The following CFAP54 variants were observed in gnomAD, a reference collection of about 807,000 sequenced individuals.
CFAP54 encodes cilia and flagella associated protein 54, also known as cilia- and flagella-associated protein 54.
CFAP54 carries 290 observed loss-of-function variants against 370.4 expected under a neutral mutation model. That is an observed-to-expected ratio of 0.78 (90% confidence interval 0.71 to 0.86). The LOEUF (loss-of-function observed/expected upper bound fraction) is 0.86. Ranked by LOEUF, CFAP54 falls within the 40% of genes least tolerant of loss-of-function variation. CFAP54 has a pLI of 0.00. For missense variants in CFAP54, 3,399 were observed against 3,528.7 expected (o/e 0.96, Z 0.93); for synonymous variants, 1,206 against 1,236.5 (o/e 0.98, Z 0.52).
At chr12:96,813,988 C>G (rs959671421) in intron 64 of CFAP54, among the ~76,000 whole-genome samples, 19 of 152,130 alleles carry the variant, frequency 1.2e-4, no homozygotes, top group African/African-American at 4.6e-4. Flanking sequence ...GGCCTCACAC[C>G]AAGATTCAAG....
At chr12:96,874,490 T>A (rs1240061325) in intron 67 of CFAP54, among the ~76,000 whole-genome samples, 1 of 152,064 alleles carries the variant, frequency 6.6e-6, no homozygotes, top group East Asian at 1.9e-4. Flanking sequence ...ACCTGATTGG[T>A]TAATATCAGG....
At chr12:96,864,715 G>A (rs539579243) in intron 67 of CFAP54, among the ~76,000 whole-genome samples, 2 of 152,266 alleles carry the variant, frequency 1.3e-5, no homozygotes, top group African/African-American at 4.8e-5. Flanking sequence ...TCTTAACAGT[G>A]TCCTTGGACA....
At chr12:96,622,972 G>A (rs1171664866) in intron 27 of CFAP54, among the ~76,000 whole-genome samples, 1 of 152,036 alleles carries the variant, frequency 6.6e-6, no homozygotes, top group Non-Finnish European at 1.5e-5. Context: ...GCCATGCAGT[G>A]TCTACTCTCA....
chr12:96,528,604 A>T (rs1955407878), intron 9 of CFAP54, among the ~76,000 whole-genome samples: 1 of 152,140 alleles, frequency 6.6e-6, no homozygotes. Flanking sequence ...TAAATGATGA[A>T]TTCAATTTCC....
chr12:96,558,293 TAGAGCAATC>T (rs1375813958), intron 17 of CFAP54, among the ~76,000 whole-genome samples: 1 of 152,162 alleles, frequency 6.6e-6, no homozygotes, highest in African/African-American at 2.4e-5. Context: ...AAGTCCTAGC[TAGAGCAATC>T]AGACAAGAGA....
chr12:96,517,433 T>C (rs1225999637), intron 5 of CFAP54, among the ~76,000 whole-genome samples: 1 of 152,252 alleles, frequency 6.6e-6, no homozygotes, highest in Non-Finnish European at 1.5e-5. Context: ...AAATTTCTAA[T>C]ACCAGGAGTC....
intron 32 of CFAP54, among the ~76,000 whole-genome samples, chr12:96,633,459 G>A (rs1381606792): frequency 1.3e-5 from 2 of 152,182 alleles, no homozygotes; most frequent in African/African-American, 2.4e-5. Flanking sequence ...CAGCAAGTTT[G>A]CATGCACATG....
rs116049986 is a variant in CFAP54, at chr12:96,657,933, A to C, written c.5152A>C (p.Lys1718Gln). Residue 1718 changes from lysine to glutamine, a missense_variant, in exon 37 of 68, where the codon AAA becomes CAA. Transcript: ENST00000524981. ...TGTTCCAAGCTGTTATGGGAATATTAAAAATGACAACGGTGGTTCTAGTCT... is the reference window on the plus strand; with the variant it reads ...TGTTCCAAGCTGTTATGGGAATATTCAAAATGACAACGGTGGTTCTAGTCT... ...FSVPSCYGNI[K>Q]NDNGGSSLTF... The C allele has an allele frequency of 1.2e-6, 2 of 1,613,868 alleles. No individual in the cohort carries two copies. Among genetic ancestry groups the C allele is most frequent in the African/African-American group, 2.7e-5 (2 of 75,040 alleles).
At chr12:96,560,254 C>T (rs1024842932) in intron 17 of CFAP54, among the ~76,000 whole-genome samples, 10 of 152,142 alleles carry the variant, frequency 6.6e-5, no homozygotes, top group African/African-American at 2.4e-4. Context: ...TACTCATTAA[C>T]CAATCTCTGG....
chr12:96,638,184 C>CATATATATATATATATATAT (rs61605059), intron 32 of CFAP54, among the ~76,000 whole-genome samples: 4 of 137,570 alleles, frequency 2.9e-5, no homozygotes, highest in African/African-American at 1.1e-4. Flanking sequence ...TTAGCTGCAT[C>CATATATATATATATATATAT]ATATATATAT....
intron 32 of CFAP54, among the ~76,000 whole-genome samples, chr12:96,637,120 C>T (rs139718193): frequency 5.3e-5 from 8 of 152,260 alleles, no homozygotes; most frequent in African/African-American, 1.2e-4. Flanking sequence ...TTGCCTATTC[C>T]GGCTGTTTCA....
chr12:96,722,223 C>T (rs1957764529), intron 50 of CFAP54, among the ~76,000 whole-genome samples: 1 of 152,190 alleles, frequency 6.6e-6, no homozygotes, highest in Admixed American at 6.5e-5. Flanking sequence ...CTCTGATCTT[C>T]TTGCAAGGTC....
In CFAP54 at chr12:96,808,790, G is replaced by A. The variant is rs561692906; in HGVS notation, c.8851-2946G>A. ...GCTCCCTGGTGTGTTTCAGACCCTA[G>A]AACAGGACTGCGTCAATTACTGGTT... is the stretch of plus-strand genomic sequence containing the variant. On this transcript the variant is annotated intron_variant, in intron 63 of 67. Transcript: ENST00000524981. Among the ~76,000 whole-genome samples the A allele has an allele frequency of 2.0e-4, 31 of 152,220 alleles. 2 individuals carry two copies. In the South Asian group the frequency reaches 6.4e-3, roughly 32 times the overall value.
intron 15 of CFAP54, among the ~76,000 whole-genome samples, chr12:96,551,485 A>ATGTGTGTGTG (rs10582056): frequency 2.3e-3 from 326 of 143,862 alleles, no homozygotes; most frequent in Middle Eastern, 0.014. Flanking sequence ...TTGAATGGGT[A>ATGTGTGTGTG]TGTGTGTGTG....
intron 26 of CFAP54, among the ~76,000 whole-genome samples, chr12:96,602,880 A>C (rs1692426595): frequency 6.6e-6 from 1 of 152,212 alleles, no homozygotes; most frequent in Non-Finnish European, 1.5e-5. Flanking sequence ...TCCTGAATAC[A>C]GCACACCAAT....
intron 67 of CFAP54, among the ~76,000 whole-genome samples, chr12:96,865,390 G>A (rs1253047890): frequency 6.6e-6 from 1 of 152,118 alleles, no homozygotes; most frequent in Non-Finnish European, 1.5e-5. Context: ...TATGTAAGAA[G>A]ATACCATTGT....
At chr12:96,755,859 C>T (rs1210265990) in intron 56 of CFAP54, among the ~76,000 whole-genome samples, 1 of 151,472 alleles carries the variant, frequency 6.6e-6, no homozygotes, top group Non-Finnish European at 1.5e-5. Flanking sequence ...GTAGAGATGG[C>T]GTTTCACCAT....
At position 96,533,941 on chromosome 12, in the gene CFAP54, T is replaced by A; in HGVS notation, c.1507T>A (p.Ser503Thr). The A allele has an allele frequency of 6.5e-7, 1 of 1,529,314 alleles. No homozygotes were observed. Among genetic ancestry groups the A allele is most frequent in the South Asian group, 1.2e-5 (1 of 81,772 alleles). 94.7% of individuals were successfully genotyped at this position (1,529,314 alleles called of 1,614,324 possible). ...CTATGAGGAGTGGAGTTTATTTGAA[T>A]CTTCTGCTGTACATCTTATTTATTT... Reference protein sequence around the residue: ...FTYEEWSLFESSAVHLIYFLQ... With the variant: ...FTYEEWSLFETSAVHLIYFLQ... Residue 503 changes from serine to threonine, a missense_variant, in exon 10 of 68, where the codon TCT (serine) becomes ACT (threonine). Physicochemically the swap from Ser to Thr is moderately conservative, Grantham distance 58. Transcript: ENST00000524981.
intron 8 of CFAP54, among the ~76,000 whole-genome samples, chr12:96,523,919 AT>A (rs11407072): frequency 2.4e-4 from 36 of 148,306 alleles, no homozygotes; most frequent in Middle Eastern, 3.4e-3. Flanking sequence ...AGTTCTGGTG[AT>A]TTTTTTTTTT....
Sources: gnomAD v4.1 joint callset for allele counts (sites outside exome capture counted in the v4.1 genomes callset) on GRCh38, gnomAD v4.1.1 for gene constraint, MANE v1.5 for transcripts, NCBI Gene and HGNC (gene_info 2026-07-23, HGNC 2026-07-21) for gene names.